SPAG5: variants seen among roughly 807,000 people sequenced by gnomAD.
SPAG5 encodes the protein sperm associated antigen 5, also known as sperm-associated antigen 5.
SPAG5 carries 99 observed loss-of-function variants against 145.4 expected under a neutral mutation model. That is an observed-to-expected ratio of 0.68 (90% confidence interval 0.58 to 0.80). The LOEUF is 0.80. Ranked by LOEUF, SPAG5 falls within the 30% of genes least tolerant of loss-of-function variation. The pLI, the probability that SPAG5 is intolerant of heterozygous loss-of-function variation, is 0.00. For missense variants in SPAG5, 1,192 were observed against 1,416.0 expected (o/e 0.84, Z 2.54); for synonymous variants, 477 against 525.4 (o/e 0.91, Z 1.26).
rs769552402 is a variant in SPAG5 at position 28,585,541 on chromosome 17, G to A, written c.1853C>T (p.Thr618Ile). Residue 618 changes from threonine to isoleucine, a missense_variant, in exon 8 of 24, where the codon ACC (threonine) becomes ATC (isoleucine). Around this residue, in one of 5 missense-constraint regions of SPAG5, gnomAD observed 709 missense variants for 840.7 expected, o/e 0.84. Coordinates refer to ENST00000321765, the MANE Select transcript of SPAG5 (RefSeq NM_006461.4). ...EFRGLLKDAQ[T>I]QLVGLHAKQE... ...AAAATGCCCTTAAATTACCAGTTGG[G>A]TCTGGGCATCCTTCAGAAGGCCTCT... The A allele has an allele frequency of 2.3e-5, 37 of 1,614,018 alleles. No homozygotes were observed. Among genetic ancestry groups the A allele is most frequent in the Non-Finnish European group, 2.6e-5 (31 of 1,180,040 alleles).
chr17:28,580,344 A>C, intron 15 of SPAG5: 1 of 300,824 alleles, frequency 3.3e-6, no homozygotes. Context: ...ACAAAACAAA[A>C]CCCTTCTTCT....
chr17:28,592,084 C>G lies in SPAG5; in HGVS notation c.1160G>C (p.Trp387Ser). The G allele has an allele frequency of 6.2e-7, 1 of 1,614,064 alleles. No homozygotes were observed. The change falls in exon 3 of 24, where the codon TGG becomes TCG. Residue 387 changes from tryptophan (W) to serine (S), a missense_variant. Coordinates refer to ENST00000321765, the MANE Select transcript of SPAG5 (RefSeq NM_006461.4). ...TPFSTCSVGTWFTPSAPQEKS... is the reference protein window; with the variant it reads ...TPFSTCSVGTSFTPSAPQEKS... The stretch of plus-strand genomic sequence containing the variant: ...TTCCTGTGGTGCTGAAGGAGTAAAC[C>G]AAGTCCCCACCGAGCAAGTAGAGAA...
At chr17:28,598,321 A>AGCTAAACTAAC in intron 2 of SPAG5, 189 bp downstream of exon 2, 1 of 577,894 alleles carries the variant, frequency 1.7e-6, no homozygotes, top group Non-Finnish European at 2.9e-6. Flanking sequence ...ACAGAGATTC[A>AGCTAAACTAAC]AGTTCTCACT....
At chr17:28,594,210 T>C (rs188003588) in intron 2 of SPAG5, among the ~76,000 whole-genome samples, 1 of 152,294 alleles carries the variant, frequency 6.6e-6, no homozygotes, top group Admixed American at 6.5e-5. Context: ...AAAAGATACA[T>C]GCTAGACACA....
chr17:28,580,916 G>A (rs962373094), intron 15 of SPAG5: 1 of 152,188 alleles, frequency 6.6e-6, no homozygotes, highest in African/African-American at 2.4e-5. Flanking sequence ...CTAACTGCCT[G>A]TGAAGAATCT....
At position 28,577,735 on chromosome 17, in the gene SPAG5, G is replaced by C. The variant is rs1319221938; in HGVS notation, c.3546C>G (p.Cys1182Trp). Reference protein sequence around the residue: ...LLSIPEVVRGCKELQGLLEFL... With the variant: ...LLSIPEVVRGWKELQGLLEFL... ...ATTCCAGCAATCCCTGTAGTTCTTT[G>C]CATCCCCTCACCACCTCTGGAATAG... The change falls in exon 24 of 24, where the codon TGC becomes TGG. Residue 1182 changes from cysteine (C) to tryptophan (W), a missense_variant. This residue lies in a region of SPAG5 where 709 missense variants were observed against 840.7 expected (regional missense o/e 0.84). Coordinates refer to ENST00000321765, the MANE Select transcript of SPAG5 (RefSeq NM_006461.4). 6.2e-7 allele frequency: 1 copy of C among 1,613,824 alleles called. No individual in the cohort carries two copies. Among genetic ancestry groups the C allele is most frequent in the Non-Finnish European group, 8.5e-7 (1 of 1,179,828 alleles).
intron 2 of SPAG5, among the ~76,000 whole-genome samples, chr17:28,596,712 T>C (rs1597599948): frequency 1.3e-5 from 2 of 152,248 alleles, no homozygotes; most frequent in East Asian, 3.9e-4. Context: ...TTCTATAAGC[T>C]CTATAGAGCT....
chr17:28,595,768 G>A (rs1252095020), intron 2 of SPAG5, among the ~76,000 whole-genome samples: 2 of 149,528 alleles, frequency 1.3e-5, no homozygotes, highest in Non-Finnish European at 3.0e-5. Flanking sequence ...AAATTAGGCC[G>A]GGCGCGGTGG....
intron 4 of SPAG5, among the ~76,000 whole-genome samples, chr17:28,587,739 AAG>A (rs1206850692): frequency 0.01 from 1,511 of 150,442 alleles, 14 homozygotes; most frequent in African/African-American, 0.035. Flanking sequence ...AAAAAAAAAA[AAG>A]GATGAACCAA....
In SPAG5 at chr17:28,592,615, C is replaced by T; in HGVS notation, c.629G>A (p.Cys210Tyr). 2 of 1,614,176 alleles carry T rather than the reference C, an allele frequency of 1.2e-6. No homozygotes were observed. The highest frequency in any genetic ancestry group is 1.1e-5 in the South Asian group (1 of 91,080). The change falls in exon 3 of 24, where the codon TGT (cysteine) becomes TAT (tyrosine). Residue 210 changes from cysteine (C) to tyrosine (Y), a missense_variant. Cys to Tyr is a radical substitution (Grantham distance 194, BLOSUM62 -2). Coordinates refer to ENST00000321765, the MANE Select transcript of SPAG5 (RefSeq NM_006461.4). ...CTTGGAGCAATGTAGTTGTTCAGAA[C>T]AGGGATTTGGTGGAGACTCCTCTAA... is the stretch of plus-strand genomic sequence containing the variant. ...HLLEESPPNP[C>Y]SEQLHCSKES...
chr17:28,589,191 C>T (rs532088623), intron 4 of SPAG5, among the ~76,000 whole-genome samples: 5 of 150,896 alleles, frequency 3.3e-5, no homozygotes, highest in African/African-American at 4.9e-5. Flanking sequence ...CTCTGCCTCC[C>T]GGGTTCAAGC....
At position 28,579,133 on chromosome 17, in the gene SPAG5, T is replaced by C. The variant is rs2070530815; in HGVS notation, c.3117+8A>G. On this transcript the variant is annotated splice_region_variant and intron_variant, in intron 19 of 23. Transcript: ENST00000321765. ...CTTCATCGCCCCACTTCTAGGTCCCTCCTTCACCTTGTAGCGCAAGCACAA... is the reference window on the plus strand; with the variant it reads ...CTTCATCGCCCCACTTCTAGGTCCCCCCTTCACCTTGTAGCGCAAGCACAA... 6.2e-7 allele frequency: 1 copy of C among 1,609,978 alleles called. No homozygotes were observed. Among genetic ancestry groups the C allele is most frequent in the East Asian group, 2.2e-5 (1 of 44,876 alleles).
chr17:28,579,482 G>T lies in SPAG5; in HGVS notation c.2888C>A (p.Thr963Asn), dbSNP rs751440873. 3 of 1,613,656 alleles carry T rather than the reference G, an allele frequency of 1.9e-6. No homozygotes were observed. The highest frequency in any genetic ancestry group is 2.5e-6 in the Non-Finnish European group (3 of 1,179,778). Residue 963 changes from threonine to asparagine, a missense_variant, in exon 18 of 24, where the codon ACC becomes AAC. Coordinates refer to ENST00000321765, the MANE Select transcript of SPAG5 (RefSeq NM_006461.4). ...ASMVSLQPAE[T>N]PGMEESLAEM... ...TGCCAGGCTCTCCTCCATGCCTGGG[G>T]TCTCTGAAAGAGAAAGTCCCAGATA...
At chr17:28,578,820 A>C (rs1466431968) in intron 19 of SPAG5, 68 bp from the exon 20 acceptor site, 1 of 1,288,598 alleles carries the variant, frequency 7.8e-7, no homozygotes, top group Non-Finnish European at 1.1e-6. Flanking sequence ...GCCAGGAGGT[A>C]GGAGAGAGTG....
chr17:28,592,808 C>G lies in SPAG5; in HGVS notation c.436G>C (p.Glu146Gln). 6.2e-7 allele frequency: 1 copy of G among 1,614,150 alleles called. No individual in the cohort carries two copies. The highest frequency in any genetic ancestry group is 8.5e-7 in the Non-Finnish European group (1 of 1,180,028). ...PLGQQQDMIF[E>Q]ARLDTMAETN... is the part of the protein sequence containing the mutation. ...TCTGCCATGGTATCTAAACGGGCCT[C>G]AAATATCATGTCTTGTTGCTGCCCC... is the stretch of plus-strand genomic sequence containing the variant. The change falls in exon 3 of 24, where the codon GAG becomes CAG. Residue 146 changes from glutamate to glutamine, a missense_variant. Physicochemically the swap from Glu to Gln is conservative, Grantham distance 29. This residue lies in a region of SPAG5 where 329 missense variants were observed against 354.0 expected (regional missense o/e 0.93). Transcript: ENST00000321765.
At chr17:28,584,852 G>A (rs1001239418) in intron 10 of SPAG5, 107 bp from the exon 11 acceptor site, 3 of 913,724 alleles carry the variant, frequency 3.3e-6, no homozygotes, top group African/African-American at 3.3e-5. Context: ...CCTTGCTCCT[G>A]GGCATCAACA....
At chr17:28,587,990 G>C (rs1000639669) in intron 4 of SPAG5, among the ~76,000 whole-genome samples, 5 of 152,218 alleles carry the variant, frequency 3.3e-5, no homozygotes, top group Admixed American at 6.5e-5. Context: ...CTCAAAGGCA[G>C]TAGAACCCCA....
rs750964205 is a variant in SPAG5 at position 28,583,852 on chromosome 17, C to T, written c.2546+1G>A. The T allele has an allele frequency of 5.6e-6, 9 of 1,607,214 alleles. No individual in the cohort carries two copies. Among genetic ancestry groups the T allele is most frequent in the Non-Finnish European group, 7.7e-6 (9 of 1,174,998 alleles). On this transcript the variant is annotated splice_donor_variant, in intron 14 of 23. Transcript: ENST00000321765. LOFTEE classifies it high-confidence loss of function. ...GAAGTACAGAAAGTTAGAGAACTTA[C>T]GTTAGGTTCTCTACAGTGTCCTTGA... is the stretch of plus-strand genomic sequence containing the variant.
Position 28,586,141 on chromosome 17 carries a change from A to G in SPAG5, c.1554T>C (p.Leu518=). ...CTTCTAAATGCAACAGGGATAGGTG[A>G]AGCAAGGATATCAGCTCTTTAGAGA... ...VLISKELISL[L]HLSLLHLEED... The change falls in exon 6 of 24, where the codon CTT becomes CTC. Residue 518 remains leucine (L), a synonymous_variant. Coordinates refer to ENST00000321765, the MANE Select transcript of SPAG5 (RefSeq NM_006461.4). 2 of 1,614,214 alleles carry G rather than the reference A, an allele frequency of 1.2e-6. No individual in the cohort carries two copies. Among genetic ancestry groups the G allele is most frequent in the Non-Finnish European group, 8.5e-7 (1 of 1,180,018 alleles).
Sources: gnomAD v4.1 joint callset for allele counts (sites outside exome capture counted in the v4.1 genomes callset) on GRCh38, gnomAD v4.1.1 for gene constraint, gnomAD v4.1.1 regional missense constraint, MANE v1.5 for transcripts, NCBI Gene and HGNC (gene_info 2026-07-23, HGNC 2026-07-21) for gene names.